The following CSRP1 variants were observed in gnomAD, a reference collection of about 807,000 sequenced individuals.
The protein encoded by CSRP1 is cysteine and glycine rich protein 1, also known as cysteine and glycine-rich protein 1.
Under a neutral mutation model 25.4 loss-of-function variants are expected in CSRP1, and 16 were observed. That is an observed-to-expected ratio of 0.63 (90% CI 0.43 to 0.96). The LOEUF (loss-of-function observed/expected upper bound fraction) is 0.96. CSRP1 is among the 40% of genes least tolerant of loss of function. The probability of loss-of-function intolerance (pLI) is 0.00; values close to 1 mark genes in which losing one functional copy is unlikely to be tolerated. For missense variants in CSRP1, 212 were observed against 243.6 expected (o/e 0.87, Z 0.86); for synonymous variants, 97 against 95.3 (o/e 1.02, Z -0.10).
At position 201,493,390 on chromosome 1, in the gene CSRP1, G is replaced by A. The variant is rs146717488; in HGVS notation, c.112+2802C>T. Among the ~76,000 whole-genome samples, 645 of 152,306 alleles carry A rather than the reference G, an allele frequency of 4.2e-3. 11 individuals carry two copies. Among genetic ancestry groups the A allele is most frequent in the African/African-American group, 0.015 (623 of 41,558 alleles). The stretch of plus-strand genomic sequence containing the variant: ...TAATTGAATCATGGGGGCAGCTTCC[G>A]CCATACTGTTCTTGTGATAGTGAAA... On this transcript the variant is annotated intron_variant, in intron 2 of 5. Transcript: ENST00000340006.
intron 1 of CSRP1, among the ~76,000 whole-genome samples, chr1:201,498,418 G>C (rs923460268): frequency 6.6e-6 from 1 of 152,236 alleles, no homozygotes; most frequent in Non-Finnish European, 1.5e-5. Context: ...CTGGGAGTCA[G>C]AGGGATCTGT....
At chr1:201,495,362 C>G (rs1050023747) in intron 2 of CSRP1, among the ~76,000 whole-genome samples, 7 of 152,196 alleles carry the variant, frequency 4.6e-5, no homozygotes, top group African/African-American at 1.7e-4. Flanking sequence ...GCCTGGGTGA[C>G]AGAGTGAGAC....
At chr1:201,485,704 T>C (rs897640863) in intron 4 of CSRP1, 1 of 321,922 alleles carries the variant, frequency 3.1e-6, no homozygotes, top group African/African-American at 2.1e-5. Context: ...ATGAGCCTTC[T>C]CCAGACCCAT....
chr1:201,490,888 C>G (rs1175771312), intron 2 of CSRP1: 2 of 152,390 alleles, frequency 1.3e-5, no homozygotes, highest in Non-Finnish European at 2.9e-5. Context: ...TTATTAAGTG[C>G]CCAACATGGT....
intron 2 of CSRP1, 191 bp from the exon 3 acceptor site, chr1:201,490,535 A>G: frequency 1.8e-6 from 1 of 561,268 alleles, no homozygotes; most frequent in Non-Finnish European, 3.2e-6. Context: ...TGGGATCTGC[A>G]TATCCGACTC....
rs771012861 is a variant in CSRP1, at chr1:201,496,322, A to G, written c.-1-18T>C. 6.4e-7 allele frequency: 1 copy of G among 1,564,460 alleles called. No individual in the cohort carries two copies. The highest frequency in any genetic ancestry group is 1.3e-5 in the African/African-American group (1 of 74,124). On this transcript the variant is annotated intron_variant, in intron 1 of 5. Transcript: ENST00000340006. Reference sequence around the variant, plus strand: ...TCGGCATTCTGAAAAGGGACACAGAAATGGGAATTAATTTTACAGGGAGAT... The same window carrying G: ...TCGGCATTCTGAAAAGGGACACAGAGATGGGAATTAATTTTACAGGGAGAT...
chr1:201,494,218 C>T (rs1014482802), intron 2 of CSRP1, among the ~76,000 whole-genome samples: 13 of 152,148 alleles, frequency 8.5e-5, no homozygotes, highest in African/African-American at 2.9e-4. Context: ...TGACTTCCCT[C>T]AACCCTCTGA....
At chr1:201,504,294 C>A (rs1571790960) in intron 1 of CSRP1, among the ~76,000 whole-genome samples, 2 of 152,310 alleles carry the variant, frequency 1.3e-5, no homozygotes, top group South Asian at 4.1e-4. Flanking sequence ...CAGTAGCTAC[C>A]TCATAAATTG....
intron 1 of CSRP1, among the ~76,000 whole-genome samples, chr1:201,502,697 CCTT>C (rs1473329898): frequency 6.6e-6 from 1 of 152,206 alleles, no homozygotes; most frequent in African/African-American, 2.4e-5. Flanking sequence ...GGTCAGGAAT[CCTT>C]CTCTCTATTG....
chr1:201,492,975 TG>T (rs769648827), intron 2 of CSRP1: 3 of 152,500 alleles, frequency 2.0e-5, no homozygotes, highest in Non-Finnish European at 4.4e-5. Flanking sequence ...GGCCAACCTG[TG>T]GGGCCCTGTT....
chr1:201,498,585 T>C (rs984773936), intron 1 of CSRP1, among the ~76,000 whole-genome samples: 2 of 152,100 alleles, frequency 1.3e-5, no homozygotes, highest in Non-Finnish European at 2.9e-5. Context: ...GGAGATACAG[T>C]CTCCATTACT....
chr1:201,497,202 T>C (rs1239179812), intron 1 of CSRP1, among the ~76,000 whole-genome samples: 1 of 151,522 alleles, frequency 6.6e-6, no homozygotes, highest in Non-Finnish European at 1.5e-5. Flanking sequence ...CTACTAAAAA[T>C]ACAAAAATTA....
At position 201,484,625 on chromosome 1, in the gene CSRP1, A is replaced by C; in HGVS notation, c.*88T>G. The C allele has an allele frequency of 8.1e-7, 1 of 1,229,484 alleles. No individual in the cohort carries two copies. Among genetic ancestry groups the C allele is most frequent in the South Asian group, 1.3e-5 (1 of 75,180 alleles). The allele number at this position is 1,229,484 out of a possible 1,614,324, so 76.2% of individuals were successfully genotyped here. A position where few individuals can be genotyped will look rare whatever the true frequency, so the allele number is the denominator to read the frequency against. On this transcript the variant is annotated 3_prime_UTR_variant, in exon 6 of 6. Transcript: ENST00000340006. ...TGATATGTGGCAGGGCTGACAGAGA[A>C]ATAATCCTGGAGGTCTCCAAAGCTG...
intron 2 of CSRP1, among the ~76,000 whole-genome samples, chr1:201,494,063 C>T (rs993492106): frequency 9.9e-5 from 15 of 152,056 alleles, no homozygotes; most frequent in African/African-American, 2.9e-4. Flanking sequence ...CTGCTTCCTG[C>T]GGCTGCTCAT....
At chr1:201,496,152 G>A in intron 2 of CSRP1, 40 bp downstream of exon 2, 1 of 1,517,436 alleles carries the variant, frequency 6.6e-7, no homozygotes, top group Non-Finnish European at 9.2e-7. Context: ...CCCGTCCAGG[G>A]TGTCCAAGGC....
intron 2 of CSRP1, chr1:201,493,007 GTTC>G (rs1321473279): frequency 6.6e-6 from 1 of 152,480 alleles, no homozygotes; most frequent in African/African-American, 2.4e-5. Context: ...CCATCACAGA[GTTC>G]TTCTTTCCTC....
intron 4 of CSRP1, 197 bp from the exon 5 acceptor site, chr1:201,485,573 G>C (rs1664109085): frequency 3.5e-6 from 2 of 578,984 alleles, no homozygotes; most frequent in Non-Finnish European, 6.2e-6. Context: ...ACGCCACCTC[G>C]CACCATCTTC....
intron 1 of CSRP1, among the ~76,000 whole-genome samples, chr1:201,503,133 G>A (rs574196783): frequency 8.7e-4 from 132 of 152,070 alleles, no homozygotes; most frequent in Non-Finnish European, 1.6e-3. Context: ...GGACAAAAGC[G>A]AAACTCTGTC....
chr1:201,491,810 G>T (rs1402335788), intron 2 of CSRP1: 1 of 152,248 alleles, frequency 6.6e-6, no homozygotes, highest in African/African-American at 2.4e-5. Context: ...TACCACTGGA[G>T]AAGCCACGCC....
Sources: allele counts gnomAD v4.1 joint callset (sites outside exome capture counted in the v4.1 genomes callset), GRCh38; gene constraint gnomAD v4.1.1; transcripts MANE v1.5; gene names NCBI Gene and HGNC (gene_info 2026-07-23, HGNC 2026-07-21).